The following ROBO1 variants were observed in gnomAD, a reference collection of about 807,000 sequenced individuals.
The protein encoded by ROBO1 is roundabout guidance receptor 1.
In ROBO1, 149 loss-of-function variants were observed where a neutral mutation model predicts 195.9. That is an observed-to-expected ratio of 0.76 (90% CI 0.67 to 0.87). ROBO1 has a LOEUF of 0.87. Among genes scored for constraint, ROBO1 ranks in the 40% least tolerant of loss-of-function variants. ROBO1 has a pLI of 0.00. For missense variants in ROBO1, 1,933 were observed against 2,068.3 expected (o/e 0.93, Z 1.27); for synonymous variants, 816 against 733.2 (o/e 1.11, Z -1.82).
At chr3:78,870,658 T>C (rs535119623) in intron 4 of ROBO1, among the ~76,000 whole-genome samples, 1 of 152,314 alleles carries the variant, frequency 6.6e-6, no homozygotes, top group Admixed American at 6.5e-5. Context: ...ACAGGAATCA[T>C]GGCTGAGCCC....
chr3:78,833,096 G>A (rs367803233), intron 4 of ROBO1, among the ~76,000 whole-genome samples: 3 of 152,158 alleles, frequency 2.0e-5, no homozygotes, highest in Admixed American at 2.0e-4. Flanking sequence ...TTCCATTCTA[G>A]ATAGATCACG....
intron 2 of ROBO1, among the ~76,000 whole-genome samples, chr3:79,383,417 T>C (rs754172109): frequency 2.6e-5 from 4 of 152,072 alleles, no homozygotes; most frequent in Non-Finnish European, 5.9e-5. Context: ...TTTTTTCTGA[T>C]TGAAATATAA....
intron 2 of ROBO1, among the ~76,000 whole-genome samples, chr3:79,499,931 C>T (rs1939966133): frequency 6.6e-6 from 1 of 151,614 alleles, no homozygotes; most frequent in African/African-American, 2.4e-5. Context: ...CTCAGTCTCC[C>T]GAGTAGCTGG....
At chr3:79,229,255 C>T (rs915846189) in intron 2 of ROBO1, among the ~76,000 whole-genome samples, 3 of 151,478 alleles carry the variant, frequency 2.0e-5, no homozygotes, top group Admixed American at 6.6e-5. Context: ...TGTTTGTTTC[C>T]GTAAAGAACA....
chr3:79,098,272 A>T (rs2079608068), intron 3 of ROBO1, among the ~76,000 whole-genome samples: 1 of 151,786 alleles, frequency 6.6e-6, no homozygotes, highest in South Asian at 2.1e-4. Context: ...GGGGTTCCTG[A>T]TGTGGCTTTA....
In ROBO1 at chr3:79,364,261, T is replaced by C. The variant is rs1006805048; in HGVS notation, c.88+225563A>G. Among the ~76,000 whole-genome samples, 4 of 149,266 alleles carry C rather than the reference T, an allele frequency of 2.7e-5. No homozygotes were observed. The Admixed American group carries it at 2.7e-4, about 10-fold the overall frequency. ...GTATATATATATATATACATATATA[T>C]ACACACACACATATATATATATACA... On this transcript the variant is annotated intron_variant, in intron 2 of 30. Transcript: ENST00000464233.
intron 1 of ROBO1, among the ~76,000 whole-genome samples, chr3:79,732,737 T>A (rs1335948751): frequency 6.6e-6 from 1 of 152,222 alleles, no homozygotes; most frequent in Non-Finnish European, 1.5e-5. Flanking sequence ...CTTGACACTA[T>A]GTTTTCCTCT....
At chr3:79,182,595 G>A (rs577091997) in intron 2 of ROBO1, among the ~76,000 whole-genome samples, 1 of 151,792 alleles carries the variant, frequency 6.6e-6, no homozygotes, top group Admixed American at 6.6e-5. Context: ...ACGCACTGGA[G>A]TGGGGATGGG....
chr3:79,211,660 G>A (rs2081967638), intron 2 of ROBO1, among the ~76,000 whole-genome samples: 1 of 152,174 alleles, frequency 6.6e-6, no homozygotes, highest in African/African-American at 2.4e-5. Context: ...AATGAGATAG[G>A]AGGACAGTTT....
At chr3:79,619,734 C>T (rs182506183) in intron 1 of ROBO1, among the ~76,000 whole-genome samples, 2 of 152,222 alleles carry the variant, frequency 1.3e-5, no homozygotes, top group Non-Finnish European at 2.9e-5. Flanking sequence ...CAGCCCAGTC[C>T]ATGGCCTGTT....
Position 78,600,161 on chromosome 3 carries a change from C to T in ROBO1, c.4893G>A (p.Gln1631=). ...CTCCTCTTTCATATCCTCCAAGTAC[C>T]TGCATTTCTGCAATATTTCTTCGAC... The part of the protein sequence containing the change: ...NVGRRNIAEM[Q]VLGGYERGED... The change falls in exon 30 of 31, where the codon CAG becomes CAA. Residue 1631 remains glutamine (Q), a synonymous_variant. Transcript: ENST00000464233. 2 of 1,613,386 alleles carry T rather than the reference C, an allele frequency of 1.2e-6. No homozygotes were observed. Among genetic ancestry groups the T allele is most frequent in the Non-Finnish European group, 1.7e-6 (2 of 1,179,536 alleles).
intron 2 of ROBO1, among the ~76,000 whole-genome samples, chr3:79,233,945 C>T (rs1015758724): frequency 7.3e-5 from 11 of 151,678 alleles, no homozygotes; most frequent in South Asian, 2.1e-4. Flanking sequence ...TAGTGACGTC[C>T]GGCATTTTTT....
At chr3:78,744,716 A>G (rs2082615026) in intron 5 of ROBO1, among the ~76,000 whole-genome samples, 1 of 151,998 alleles carries the variant, frequency 6.6e-6, no homozygotes, top group Non-Finnish European at 1.5e-5. Context: ...TGAGGTTTTT[A>G]TGTGAGGCAT....
chr3:78,710,158 C>T (rs983675497), intron 8 of ROBO1, among the ~76,000 whole-genome samples: 1 of 152,228 alleles, frequency 6.6e-6, no homozygotes, highest in East Asian at 1.9e-4. Context: ...AAACTTCCCA[C>T]TCGTGGACTC....
chr3:79,439,335 T>C (rs1421503359), intron 2 of ROBO1, among the ~76,000 whole-genome samples: 1 of 152,090 alleles, frequency 6.6e-6, no homozygotes, highest in Non-Finnish European at 1.5e-5. Context: ...GGAAAAATGT[T>C]TCACAGCAAA....
intron 1 of ROBO1, among the ~76,000 whole-genome samples, chr3:79,628,239 G>A (rs927310053): frequency 2.5e-4 from 38 of 152,104 alleles, no homozygotes; most frequent in African/African-American, 8.9e-4. Flanking sequence ...AAACCCAAAT[G>A]CCCATCAATG....
chr3:79,577,204 T>C (rs1303751009), intron 2 of ROBO1, among the ~76,000 whole-genome samples: 1 of 152,214 alleles, frequency 6.6e-6, no homozygotes, highest in Non-Finnish European at 1.5e-5. Flanking sequence ...CATTTTCACA[T>C]TTGATTCTCA....
chr3:78,903,841 A>G (rs1436499293), intron 4 of ROBO1, among the ~76,000 whole-genome samples: 2 of 152,158 alleles, frequency 1.3e-5, no homozygotes, highest in East Asian at 3.8e-4. Context: ...TAATAAAAGA[A>G]CTGAGTAAAA....
intron 2 of ROBO1, among the ~76,000 whole-genome samples, chr3:79,506,207 C>G (rs1280662499): frequency 6.6e-6 from 1 of 151,884 alleles, no homozygotes; most frequent in African/African-American, 2.4e-5. Flanking sequence ...ACAAAAAAAG[C>G]CTTTCGTAGC....
Sources: allele counts gnomAD v4.1 joint callset (sites outside exome capture counted in the v4.1 genomes callset), GRCh38; gene constraint gnomAD v4.1.1; transcripts MANE v1.5; gene names NCBI Gene and HGNC (gene_info 2026-07-23, HGNC 2026-07-21).